The following AHRR variants were observed in gnomAD, a reference collection of about 807,000 sequenced individuals.
AHRR encodes aryl hydrocarbon receptor repressor, also known as ahR repressor.
A neutral mutation model predicts 44.0 loss-of-function variants in AHRR; 28 were observed. That is an observed-to-expected ratio of 0.64 (90% CI 0.47 to 0.87). The LOEUF (loss-of-function observed/expected upper bound fraction) is 0.87, where lower values mean the gene tolerates loss of function less well. AHRR is among the 40% of genes least tolerant of loss of function. The pLI is 0.00. For missense variants in AHRR, 990 were observed against 953.9 expected, an observed-to-expected ratio of 1.04 and a Z score of -0.50; for synonymous variants, 434 against 407.0, an observed-to-expected ratio of 1.07 and a Z score of -0.80.
chr5:344,181 T>C (rs1742478691), intron 2 of AHRR, among the ~76,000 whole-genome samples: 1 of 150,364 alleles, frequency 6.7e-6, no homozygotes. Flanking sequence ...CCCTGCGCCC[T>C]CGGGGCCCTG....
chr5:379,493 C>T (rs1210677469), intron 4 of AHRR, among the ~76,000 whole-genome samples: 3 of 152,204 alleles, frequency 2.0e-5, no homozygotes, highest in Admixed American at 6.5e-5. Flanking sequence ...TTCAGTTGCT[C>T]AGCATCTTTG....
rs1741703690 is a variant in AHRR, at chr5:326,141, T to C, written c.-11+4322T>C. ...TAACATCAAACTAACCATTTAAAAG[T>C]GAACAGTTCAGGGGCATTTAGTACA... On this transcript the variant is annotated intron_variant, in intron 1 of 10. Transcript: ENST00000684583. The surrounding 1 kb of genome is among the most constrained non-coding windows in gnomAD (Gnocchi z 4.1). Among the ~76,000 whole-genome samples, 1 of 152,190 alleles carries C rather than the reference T, an allele frequency of 6.6e-6. No individual in the cohort carries two copies. Among genetic ancestry groups the C allele is most frequent in the African/African-American group, 2.4e-5 (1 of 41,436 alleles).
At position 434,944 on chromosome 5, in the gene AHRR, T is replaced by C; in HGVS notation, c.*110T>C. 3 of 1,388,300 alleles carry C rather than the reference T, an allele frequency of 2.2e-6. No homozygotes were observed. Among genetic ancestry groups the C allele is most frequent in the Non-Finnish European group, 2.9e-6 (3 of 1,044,792 alleles). The allele number at this position is 1,388,300 out of a possible 1,614,324, so 86.0% of individuals were successfully genotyped here. On this transcript the variant is annotated 3_prime_UTR_variant, in exon 11 of 11. Transcript: ENST00000684583. ...GGAGCCCGTCCTAAGACACACGCTT[T>C]GCAGAGCTGTGCATGCGCAGTCTGC... is the stretch of plus-strand genomic sequence containing the variant.
chr5:363,652 G>A (rs527618757), intron 3 of AHRR, among the ~76,000 whole-genome samples: 257 of 152,296 alleles, frequency 1.7e-3, no homozygotes, highest in Admixed American at 9.0e-3. Context: ...TTTCTTGAGT[G>A]TAAGAGGGAT....
intron 4 of AHRR, among the ~76,000 whole-genome samples, chr5:392,660 A>T (rs1221244127): frequency 1.3e-5 from 2 of 152,128 alleles, no homozygotes; most frequent in East Asian, 3.9e-4. Context: ...CGCTCAAAGC[A>T]GCAGGAAGTG....
Position 370,042 on chromosome 5 carries a change from C to T in AHRR, c.245-6568C>T, listed in dbSNP as rs991762313. ...GGCTCTGAGAGCACTGCCCTGCCCT[C>T]CCGGGCTCTTGCTGGTGCCCCATCC... On this transcript the variant is annotated intron_variant, in intron 3 of 10. Coordinates refer to ENST00000684583, the MANE Select transcript of AHRR (RefSeq NM_001377236.1). The surrounding 1 kb of genome is among the most constrained non-coding windows in gnomAD (Gnocchi z 4.5). 6.6e-6 allele frequency among the ~76,000 whole-genome samples: 1 copy of T among 152,164 alleles called. No homozygotes were observed. Among genetic ancestry groups the T allele is most frequent in the Non-Finnish European group, 1.5e-5 (1 of 68,022 alleles).
At chr5:322,526 C>T (rs1741532128) in intron 1 of AHRR, 1 of 152,008 alleles carries the variant, frequency 6.6e-6, no homozygotes, top group Non-Finnish European at 1.5e-5. Context: ...CTCCTGTGCG[C>T]GCGCACAGGC....
chr5:363,008 A>G (rs769391831), intron 3 of AHRR, among the ~76,000 whole-genome samples: 1 of 152,242 alleles, frequency 6.6e-6, no homozygotes, highest in Non-Finnish European at 1.5e-5. Context: ...GTCTTCCACT[A>G]ATGTGGCCCC....
At chr5:376,511 C>T (rs528521673) in intron 3 of AHRR, 99 bp from the exon 4 acceptor site, 22 of 1,287,534 alleles carry the variant, frequency 1.7e-5, no homozygotes, top group African/African-American at 1.6e-4. Context: ...AGGTGAGAAC[C>T]GTGGGGTGAA....
chr5:436,958 GA>G lies in AHRR; in HGVS notation c.*2125del, dbSNP rs1487524719. The stretch of plus-strand genomic sequence containing the variant: ...CACTTCTGGCCTCTGGGCATTTATG[GA>G]TTTAAGACCAGGATGGTATTTCAGA... On this transcript the variant is annotated 3_prime_UTR_variant, in exon 11 of 11. Transcript: ENST00000684583. The G allele has an allele frequency of 6.6e-6, 1 of 152,400 alleles. No individual in the cohort carries two copies. Among genetic ancestry groups the G allele is most frequent in the Non-Finnish European group, 1.5e-5 (1 of 68,064 alleles). The allele number at this position is 152,400 out of a possible 1,614,324, so 9.4% of individuals were successfully genotyped here. A position where few individuals can be genotyped will look rare whatever the true frequency, so the allele number is the denominator to read the frequency against.
intron 4 of AHRR, among the ~76,000 whole-genome samples, chr5:396,318 C>G (rs1396999724): frequency 6.6e-6 from 1 of 152,132 alleles, no homozygotes; most frequent in Admixed American, 6.5e-5. Flanking sequence ...TCCCACACCC[C>G]CCTTTGTCCC....
At chr5:375,978 C>T (rs1017857675) in intron 3 of AHRR, among the ~76,000 whole-genome samples, 3 of 149,532 alleles carry the variant, frequency 2.0e-5, no homozygotes, top group African/African-American at 4.9e-5. Context: ...GGGGGTAGCA[C>T]TGGCGACTGT....
chr5:381,506 CTTTTTTTTTTTTTTTTT>C lies in AHRR; in HGVS notation c.351+4801_351+4817del, dbSNP rs781159124. Among the ~76,000 whole-genome samples, 9 of 46,916 alleles carry C rather than the reference CTTTTTTTTTTTTTTTTT, an allele frequency of 1.9e-4. No homozygotes were observed. In the East Asian group the frequency reaches 4.3e-3, roughly 22 times the overall value. 30.8% of individuals were successfully genotyped at this position (46,916 alleles called of 152,430 possible). The stretch of plus-strand genomic sequence containing the variant: ...CATTAAATATATTAGCTTAGGTTTG[CTTTTTTTTTTTTTTTTT>C]TTTTTTTTTTGAGACAGAGCCTCAC... On this transcript the variant is annotated intron_variant, in intron 4 of 10. Transcript: ENST00000684583.
intron 2 of AHRR, among the ~76,000 whole-genome samples, chr5:345,329 T>G (rs867872596): frequency 3.3e-4 from 12 of 35,822 alleles, no homozygotes; most frequent in African/African-American, 8.8e-4. Context: ...TGTGTGTGTG[T>G]GTGGGGATGT....
chr5:325,657 C>T (rs969080361), intron 1 of AHRR, among the ~76,000 whole-genome samples: 3 of 152,200 alleles, frequency 2.0e-5, no homozygotes, highest in African/African-American at 4.8e-5. Context: ...ACCCACCCAC[C>T]GGCATCTGTC....
intron 10 of AHRR, 121 bp from the exon 11 acceptor site, chr5:433,732 A>G: frequency 8.4e-7 from 1 of 1,194,594 alleles, no homozygotes; most frequent in Non-Finnish European, 1.1e-6. Context: ...GGGTCGGTGT[A>G]GCAGCCTTGG....
intron 4 of AHRR, 110 bp downstream of exon 4, chr5:376,826 G>T (rs1373818158): frequency 1.0e-6 from 1 of 963,320 alleles, no homozygotes; most frequent in Non-Finnish European, 1.6e-6. Flanking sequence ...TCACCCAGGA[G>T]GCCCTTAGGT....
intron 7 of AHRR, among the ~76,000 whole-genome samples, chr5:424,601 T>G (rs958750103): frequency 5.9e-5 from 9 of 152,106 alleles, no homozygotes; most frequent in Non-Finnish European, 2.9e-5. Flanking sequence ...TGTAAAACTC[T>G]GCAGTAGGTT....
intron 8 of AHRR, 148 bp downstream of exon 8, chr5:428,154 A>G: frequency 1.1e-6 from 1 of 937,272 alleles, no homozygotes; most frequent in Non-Finnish European, 1.6e-6. Flanking sequence ...TACACAACAT[A>G]GGCAGCAGCG....
Sources: allele counts gnomAD v4.1 joint callset (sites outside exome capture counted in the v4.1 genomes callset), GRCh38; gene constraint gnomAD v4.1.1; non-coding constraint Gnocchi (gnomAD v3.1); transcripts MANE v1.5; gene names NCBI Gene and HGNC (gene_info 2026-07-23, HGNC 2026-07-21).